The following NCALD variants were observed in gnomAD, a reference collection of about 807,000 sequenced individuals.
NCALD encodes neurocalcin-delta.
A neutral mutation model predicts 18.6 loss-of-function variants in NCALD; 10 were observed. The observed-to-expected ratio is 0.54, with a 90% CI of 0.33 to 0.91. NCALD has a LOEUF of 0.91. Among genes scored for constraint, NCALD ranks in the 40% least tolerant of loss-of-function variants. The pLI is 0.03. For missense variants in NCALD, 184 were observed against 247.6 expected, an observed-to-expected ratio of 0.74 and a Z score of 1.72; for synonymous variants, 88 against 87.4, an observed-to-expected ratio of 1.01 and a Z score of -0.04.
At chr8:101,767,992 T>C (rs1243550876) in intron 1 of NCALD, among the ~76,000 whole-genome samples, 2 of 152,226 alleles carry the variant, frequency 1.3e-5, no homozygotes, top group Non-Finnish European at 2.9e-5. Context: ...ATTTTCCTAA[T>C]CTCACAGCAA....
chr8:101,733,123 G>C (rs16868276), intron 1 of NCALD, among the ~76,000 whole-genome samples: 38,900 of 152,032 alleles, frequency 0.26, 6,177 homozygotes, highest in African/African-American at 0.45. Context: ...GGTTTCAGTG[G>C]CTGCTTCTGT....
chr8:101,722,344 G>A (rs927157054), intron 1 of NCALD, among the ~76,000 whole-genome samples: 4 of 152,182 alleles, frequency 2.6e-5, no homozygotes, highest in Admixed American at 1.3e-4. Flanking sequence ...TAGTTGCTAA[G>A]TTGGCAATTT....
At chr8:102,029,325 T>C (rs1822581324) in intron 1 of NCALD, among the ~76,000 whole-genome samples, 1 of 152,156 alleles carries the variant, frequency 6.6e-6, no homozygotes, top group Admixed American at 6.5e-5. Flanking sequence ...CTAAGTGTTT[T>C]TGGGGAGGAC....
chr8:102,039,553 T>C (rs1343256584), intron 1 of NCALD, among the ~76,000 whole-genome samples: 1 of 152,140 alleles, frequency 6.6e-6, no homozygotes, highest in Non-Finnish European at 1.5e-5. Context: ...AAGTAGTGAA[T>C]AGGAACTAAG....
intron 2 of NCALD, among the ~76,000 whole-genome samples, chr8:101,712,106 A>G (rs1815824910): frequency 6.6e-6 from 1 of 152,226 alleles, no homozygotes; most frequent in Non-Finnish European, 1.5e-5. Flanking sequence ...GAGGGTCAAT[A>G]TTCAACATTT....
chr8:101,994,836 T>C (rs1469130991), intron 2 of NCALD, among the ~76,000 whole-genome samples: 1 of 152,272 alleles, frequency 6.6e-6, no homozygotes, highest in Admixed American at 6.5e-5. Flanking sequence ...ATTTGTTTAA[T>C]AAAGTCCTAA....
In NCALD at chr8:101,894,064, T is replaced by C. The variant is rs1212652776; in HGVS notation, c.-106-6837A>G. 6.1e-5 allele frequency among the ~76,000 whole-genome samples: 9 copies of C among 147,070 alleles called. 2 individuals carry two copies. Among genetic ancestry groups the C allele is most frequent in the African/African-American group, 2.4e-4 (9 of 37,312 alleles). On this transcript the variant is annotated intron_variant, in intron 3 of 6. Coordinates refer to the NCALD transcript ENST00000311028. ...ACCCCAAATCAACAGAATATACATT[T>C]TTTTCAGCACCACCACACCTATTCC...
At chr8:102,057,286 ATATG>A (rs1823687034) in intron 1 of NCALD, among the ~76,000 whole-genome samples, 1 of 151,478 alleles carries the variant, frequency 6.6e-6, no homozygotes, top group African/African-American at 2.4e-5. Context: ...ACACACACAC[ATATG>A]TACATATAGA....
At chr8:102,002,944 A>G (rs1271181676) in intron 2 of NCALD, among the ~76,000 whole-genome samples, 3 of 152,180 alleles carry the variant, frequency 2.0e-5, no homozygotes, top group Non-Finnish European at 1.5e-5. Flanking sequence ...TAAAATTGAC[A>G]CCCTAACATC....
chr8:101,749,440 C>T (rs1242577793), intron 1 of NCALD, among the ~76,000 whole-genome samples: 2 of 152,060 alleles, frequency 1.3e-5, no homozygotes, highest in East Asian at 3.9e-4. Flanking sequence ...CCCAGTCTGA[C>T]AAGAAGACTA....
intron 1 of NCALD, among the ~76,000 whole-genome samples, chr8:102,080,547 G>A (rs1824493329): frequency 6.6e-6 from 1 of 152,170 alleles, no homozygotes; most frequent in South Asian, 2.1e-4. Context: ...TTCTTGTCAG[G>A]AGCTGGTTAG....
intron 2 of NCALD, among the ~76,000 whole-genome samples, chr8:101,919,365 A>T (rs1818083593): frequency 6.6e-6 from 1 of 152,196 alleles, no homozygotes; most frequent in South Asian, 2.1e-4. Flanking sequence ...CTTTCATCAC[A>T]TAAAAAAATT....
chr8:101,751,528 T>C (rs1452200372), intron 1 of NCALD, among the ~76,000 whole-genome samples: 1 of 151,928 alleles, frequency 6.6e-6, no homozygotes, highest in East Asian at 1.9e-4. Context: ...TACTTCACCA[T>C]GGAAGGAAGG....
Position 101,708,197 on chromosome 8 carries a change from TC to T in NCALD, c.378+11054del, listed in dbSNP as rs1307332570. Among the ~76,000 whole-genome samples the T allele has an allele frequency of 2.6e-5, 4 of 152,302 alleles. No individual in the cohort carries two copies. In the East Asian group the frequency reaches 7.7e-4, roughly 29 times the overall value. On this transcript the variant is annotated intron_variant, in intron 2 of 3. Coordinates refer to ENST00000220931, the MANE Select transcript of NCALD (RefSeq NM_032041.3). ...AATTCCTGGGGCCAACTACATTCTT[TC>T]CTGGAAACATGATTATTTCTTTAAT...
chr8:101,818,785 C>G (rs11992969), intron 4 of NCALD, among the ~76,000 whole-genome samples: 4,032 of 152,170 alleles, frequency 0.026, 193 homozygotes, highest in African/African-American at 0.092. Context: ...ACAGGTGGAT[C>G]ACCTGAGGTC....
chr8:101,723,389 T>C (rs1422706311), intron 1 of NCALD, among the ~76,000 whole-genome samples: 9 of 152,146 alleles, frequency 5.9e-5, no homozygotes, highest in Non-Finnish European at 1.3e-4. Context: ...AAACACAAAA[T>C]TGAGTTCAAA....
At chr8:101,844,814 C>T (rs1814798532) in intron 4 of NCALD, among the ~76,000 whole-genome samples, 1 of 152,182 alleles carries the variant, frequency 6.6e-6, no homozygotes, top group Non-Finnish European at 1.5e-5. Flanking sequence ...ATTCTCTTTG[C>T]ACCTTTTATT....
At chr8:101,834,690 G>A (rs62518463) in intron 4 of NCALD, among the ~76,000 whole-genome samples, 2 of 152,224 alleles carry the variant, frequency 1.3e-5, no homozygotes, top group Non-Finnish European at 2.9e-5. Flanking sequence ...GGTCTTTGAC[G>A]AGTGAGGCAA....
intron 1 of NCALD, among the ~76,000 whole-genome samples, chr8:101,738,369 C>T (rs142449193): frequency 0.067 from 10,172 of 151,902 alleles, 500 homozygotes; most frequent in African/African-American, 0.14. Flanking sequence ...CATGGCGAAA[C>T]CCCATCTCCA....
Sources: allele counts gnomAD v4.1 joint callset (sites outside exome capture counted in the v4.1 genomes callset), GRCh38; gene constraint gnomAD v4.1.1; transcripts MANE v1.5; gene names NCBI Gene and HGNC (gene_info 2026-07-23, HGNC 2026-07-21).